Variants in ICMT observed in about 807,000 individuals in gnomAD.
The protein encoded by ICMT is isoprenylcysteine carboxyl methyltransferase.
A neutral mutation model predicts 32.2 loss-of-function variants in ICMT; 10 were observed. The ratio of observed to expected loss-of-function variants is 0.31; its 90% CI spans 0.19 to 0.53. The LOEUF (loss-of-function observed/expected upper bound fraction) is 0.53. ICMT is among the 20% of genes least tolerant of loss of function. The pLI is 0.96. For synonymous variants in ICMT, 183 were observed against 158.2 expected, an observed-to-expected ratio of 1.16 and a Z score of -1.18; for missense variants, 265 against 356.9, an observed-to-expected ratio of 0.74 and a Z score of 2.07.
intron 4 of ICMT, among the ~76,000 whole-genome samples, chr1:6,227,049 C>T (rs961829564): frequency 3.9e-5 from 6 of 152,222 alleles, no homozygotes; most frequent in African/African-American, 1.4e-4. Flanking sequence ...GCCATGAAAT[C>T]ATTTAGTACA....
At chr1:6,226,212 A>G (rs1256131710) in intron 4 of ICMT, among the ~76,000 whole-genome samples, 1 of 152,128 alleles carries the variant, frequency 6.6e-6, no homozygotes, top group Non-Finnish European at 1.5e-5. Flanking sequence ...CTTGGCCAAC[A>G]TGGCGAATCC....
At chr1:6,227,314 GT>G (rs1668659776) in intron 4 of ICMT, among the ~76,000 whole-genome samples, 1 of 152,186 alleles carries the variant, frequency 6.6e-6, no homozygotes, top group East Asian at 1.9e-4. Flanking sequence ...GATTGTTAAT[GT>G]GGCGGTTTTA....
chr1:6,234,331 C>A, intron 2 of ICMT: 1 of 383,104 alleles, frequency 2.6e-6, no homozygotes, highest in Non-Finnish European at 5.1e-6. Context: ...CAAAATTTAA[C>A]AAAACTGAAA....
intron 4 of ICMT, among the ~76,000 whole-genome samples, chr1:6,231,510 C>G (rs765561247): frequency 8.6e-5 from 13 of 151,136 alleles, no homozygotes; most frequent in Non-Finnish European, 1.9e-4. Flanking sequence ...AGTTTGAGAC[C>G]TGCCCAGGCA....
At chr1:6,225,383 G>T in intron 4 of ICMT, 121 bp from the exon 5 acceptor site, 1 of 931,578 alleles carries the variant, frequency 1.1e-6, no homozygotes, top group Non-Finnish European at 1.6e-6. Flanking sequence ...AGACCGTCAG[G>T]GTCTCTGGGA....
Position 6,235,791 on chromosome 1 carries a change from G to A in ICMT, c.121C>T (p.Arg41Cys). The A allele has an allele frequency of 7.5e-7, 1 of 1,327,204 alleles. No individual in the cohort carries two copies. The highest frequency in any genetic ancestry group is 9.7e-7 in the Non-Finnish European group (1 of 1,030,064). 82.2% of individuals were successfully genotyped at this position (1,327,204 alleles called of 1,614,324 possible). A position where few individuals can be genotyped will look rare whatever the true frequency, so the allele number is the denominator to read the frequency against. Reference sequence around the variant, plus strand: ...GCCACGTAGAGCGCCAGCCCGGTGCGGCCCTGCAGGCCGGCGCGCGTGAGC... The same window carrying A: ...GCCACGTAGAGCGCCAGCCCGGTGCAGCCCTGCAGGCCGGCGCGCGTGAGC... The part of the protein sequence containing the change: ...PLLTRAGLQG[R>C]TGLALYVAGL... The change falls in exon 1 of 5, where the codon CGC becomes TGC. Residue 41 changes from arginine to cysteine, a missense_variant. This residue lies in a region of ICMT where 99 missense variants were observed against 92.6 expected (regional missense o/e 1.07). Transcript: ENST00000343813.
chr1:6,235,040 C>A (rs752598768), intron 1 of ICMT, 66 bp from the exon 2 acceptor site: 2 of 1,358,230 alleles, frequency 1.5e-6, no homozygotes, highest in Non-Finnish European at 2.1e-6. Flanking sequence ...GGCTGCTGAC[C>A]TTCCCGGAAT....
rs934204435 is a variant in ICMT at position 6,235,668 on chromosome 1, G to T, written c.195+49C>A. The T allele has an allele frequency of 5.4e-6, 6 of 1,119,788 alleles. No homozygotes were observed. The African/African-American group carries it at 1.0e-4, about 19-fold the overall frequency. The allele number at this position is 1,119,788 out of a possible 1,614,324, so 69.4% of individuals were successfully genotyped here. A position where few individuals can be genotyped will look rare whatever the true frequency, so the allele number is the denominator to read the frequency against. On this transcript the variant is annotated intron_variant, in intron 1 of 4. Coordinates refer to ENST00000343813, the MANE Select transcript of ICMT (RefSeq NM_012405.4). ...AAGGTGCCCACGCGCCGCGCCAAGC[G>T]GACCGCCGCCCGCCCCGCCGGCCCC...
At position 6,234,889 on chromosome 1, in the gene ICMT, C is replaced by T; in HGVS notation, c.281G>A (p.Gly94Asp). The part of the protein sequence containing the change: ...SFSQSSWSHF[G>D]WYMCSLSLFH... Reference sequence around the variant, plus strand: ...GTATTTCCGAAGGAATTCTTACCAGCCAAAGTGACTCCAAGAAGACTGGCT... The same window carrying T: ...GTATTTCCGAAGGAATTCTTACCAGTCAAAGTGACTCCAAGAAGACTGGCT... The change falls in exon 2 of 5, where the codon GGC (glycine) becomes GAC (aspartate). Residue 94 changes from glycine to aspartate, a missense_variant. Gly to Asp is a moderately conservative substitution (Grantham distance 94). Coordinates refer to ENST00000343813, the MANE Select transcript of ICMT (RefSeq NM_012405.4). 1 of 1,612,272 alleles carries T rather than the reference C, an allele frequency of 6.2e-7. No homozygotes were observed.
chr1:6,226,069 G>T (rs961042830), intron 4 of ICMT, among the ~76,000 whole-genome samples: 1 of 152,080 alleles, frequency 6.6e-6, no homozygotes, highest in African/African-American at 2.4e-5. Flanking sequence ...TGCCCAAGCT[G>T]GTCTCGAACT....
At chr1:6,228,669 T>G (rs1170919983) in intron 4 of ICMT, among the ~76,000 whole-genome samples, 1 of 151,624 alleles carries the variant, frequency 6.6e-6, no homozygotes, top group Non-Finnish European at 1.5e-5. Context: ...ATTCCTGGCC[T>G]CAAGCAATCC....
intron 4 of ICMT, among the ~76,000 whole-genome samples, chr1:6,227,530 G>C (rs1481644401): frequency 6.6e-6 from 1 of 152,190 alleles, no homozygotes; most frequent in Non-Finnish European, 1.5e-5. Flanking sequence ...AGTTTTTCTA[G>C]GACCAAGAGT....
rs896597330 is a variant in ICMT, at chr1:6,235,940, G to C, written c.-29C>G. On this transcript the variant is annotated 5_prime_UTR_variant, in exon 1 of 5. Transcript: ENST00000343813. ...GCCGGGCGGCGGACTAGCGGGCGGC[G>C]GCGCCGGCTGTAGCCCGGAGAAACG... is the stretch of plus-strand genomic sequence containing the variant. The C allele has an allele frequency of 9.7e-7, 1 of 1,025,682 alleles. No homozygotes were observed. The highest frequency in any genetic ancestry group is 5.5e-5 in the Admixed American group (1 of 18,044). The allele number at this position is 1,025,682 out of a possible 1,614,324, so 63.5% of individuals were successfully genotyped here.
chr1:6,226,744 A>T (rs1465435515), intron 4 of ICMT, among the ~76,000 whole-genome samples: 1 of 152,054 alleles, frequency 6.6e-6, no homozygotes, highest in African/African-American at 2.4e-5. Context: ...TTTTTTTAAA[A>T]TTTTATTATT....
At position 6,221,885 on chromosome 1, in the gene ICMT, A is replaced by G. The variant is rs974971911; in HGVS notation, c.*3195T>C. The G allele has an allele frequency of 6.6e-6, 1 of 152,224 alleles. No individual in the cohort carries two copies. Among genetic ancestry groups the G allele is most frequent in the African/African-American group, 2.4e-5 (1 of 41,444 alleles). The allele number at this position is 152,224 out of a possible 1,614,324, so 9.4% of individuals were successfully genotyped here. A position where few individuals can be genotyped will look rare whatever the true frequency, so the allele number is the denominator to read the frequency against. ...TGTTTCCAGGTAGCTTTGTTCTGACAGTACCTATTTTCCACTTCAGAATCT... is the reference window on the plus strand; with the variant it reads ...TGTTTCCAGGTAGCTTTGTTCTGACGGTACCTATTTTCCACTTCAGAATCT... On this transcript the variant is annotated 3_prime_UTR_variant, in exon 5 of 5. Coordinates refer to ENST00000343813, the MANE Select transcript of ICMT (RefSeq NM_012405.4).
chr1:6,235,670 ACCG>A, intron 1 of ICMT, 44 bp downstream of exon 1: 1 of 1,118,678 alleles, frequency 8.9e-7, no homozygotes, highest in Non-Finnish European at 1.1e-6. Flanking sequence ...CGCCAAGCGG[ACCG>A]CCGCCCGCCC....
chr1:6,225,245 G>A lies in ICMT; in HGVS notation c.690C>T (p.Pro230=), dbSNP rs747630917. Residue 230 remains proline, a synonymous_variant, in exon 5 of 5, where the codon CCC becomes CCT. Coordinates refer to ENST00000343813, the MANE Select transcript of ICMT (RefSeq NM_012405.4). ...TCAGGGCATAGCTGACGCCGCAGAT[G>A]GGGTTACACAGCATCACCTAACAGA... ...SIGTQVMLCN[P]ICGVSYALTV... is the part of the protein sequence containing the mutation. 9 of 1,613,380 alleles carry A rather than the reference G, an allele frequency of 5.6e-6. No homozygotes were observed. The highest frequency in any genetic ancestry group is 7.6e-6 in the Non-Finnish European group (9 of 1,179,838).
intron 2 of ICMT, among the ~76,000 whole-genome samples, chr1:6,234,095 T>A (rs1370590054): frequency 1.3e-5 from 2 of 152,174 alleles, no homozygotes; most frequent in Admixed American, 6.5e-5. Flanking sequence ...CAGGCTGGTC[T>A]TGAACTCCTG....
intron 1 of ICMT, 97 bp from the exon 2 acceptor site, chr1:6,235,071 G>A (rs756124227): frequency 1.1e-5 from 10 of 907,066 alleles, no homozygotes; most frequent in Admixed American, 7.8e-5. Flanking sequence ...CAGGCAAGCA[G>A]ATAGAGCCGA....
Sources: allele counts gnomAD v4.1 joint callset (sites outside exome capture counted in the v4.1 genomes callset), GRCh38; gene constraint gnomAD v4.1.1; regional missense constraint gnomAD v4.1.1; transcripts MANE v1.5; gene names NCBI Gene and HGNC (gene_info 2026-07-23, HGNC 2026-07-21).